The following CASD1 variants were observed in gnomAD, a reference collection of about 807,000 sequenced individuals.
CASD1 encodes CAS1 domain sialic acid O acetyltransferase 1.
A neutral mutation model predicts 100.0 loss-of-function variants in CASD1; 41 were observed. The observed-to-expected ratio is 0.41, with a 90% CI of 0.32 to 0.53. The LOEUF is 0.53. Ranked by LOEUF, CASD1 falls within the 20% of genes least tolerant of loss-of-function variation. The probability of loss-of-function intolerance (pLI) is 0.25; values close to 1 mark genes in which losing one functional copy is unlikely to be tolerated. For missense variants in CASD1, 774 were observed against 948.7 expected (o/e 0.82, Z 2.42); for synonymous variants, 321 against 315.6 (o/e 1.02, Z -0.18).
chr7:94,587,553 ATTCAT>A, the CASD1 span: 1 of 1,318,868 alleles, frequency 7.6e-7, no homozygotes, highest in Non-Finnish European at 9.6e-7. Context: ...GGTAGTAGGG[ATTCAT>A]TTATCTTTTT....
intron 1 of CASD1, among the ~76,000 whole-genome samples, chr7:94,514,812 C>T (rs746256249): frequency 4.0e-4 from 61 of 152,116 alleles, no homozygotes; most frequent in African/African-American, 1.3e-3. Context: ...TTTATCTGAA[C>T]GCCTGGCAAC....
intron 2 of CASD1, 103 bp downstream of exon 2, chr7:94,517,759 A>G: frequency 1.4e-6 from 1 of 696,032 alleles, no homozygotes; most frequent in Non-Finnish European, 2.5e-6. Flanking sequence ...GTTGGGGTAG[A>G]GACTTGCTGA....
In CASD1 at chr7:94,545,638, T is replaced by TG. The variant is rs867096497; in HGVS notation, c.1572dup (p.Phe525ValfsTer51). 1 of 1,611,500 alleles carries TG rather than the reference T, an allele frequency of 6.2e-7. No homozygotes were observed. The highest frequency in any genetic ancestry group is 8.5e-7 in the Non-Finnish European group (1 of 1,178,130). Reference sequence around the variant, plus strand: ...TTACTTTGTCCCCTTGGTCACTGTATGGTTCATGGTCATATATGTTACTTT... The same window carrying TG: ...TTACTTTGTCCCCTTGGTCACTGTATGGGTTCATGGTCATATATGTTACTTT... On this transcript the variant is annotated frameshift_variant, in exon 12 of 18. Coordinates refer to ENST00000297273, the MANE Select transcript of CASD1 (RefSeq NM_022900.5). LOFTEE classifies it high-confidence loss of function.
chr7:94,520,920 C>T (rs1294951730), intron 3 of CASD1, among the ~76,000 whole-genome samples: 1 of 152,048 alleles, frequency 6.6e-6, no homozygotes, highest in Non-Finnish European at 1.5e-5. Context: ...GGTGAAACCC[C>T]ATCTCTACTA....
chr7:94,554,790 G>T (rs892109763), intron 17 of CASD1, among the ~76,000 whole-genome samples: 2 of 152,076 alleles, frequency 1.3e-5, no homozygotes, highest in Admixed American at 1.3e-4. Context: ...ATTTTTAAAT[G>T]ACTAGATATA....
At chr7:94,522,040 C>T (rs755676088) in intron 3 of CASD1, among the ~76,000 whole-genome samples, 13 of 152,198 alleles carry the variant, frequency 8.5e-5, no homozygotes, top group East Asian at 7.7e-4. Flanking sequence ...GCCGAAATTG[C>T]GCCACTGCAC....
the CASD1 span, among the ~76,000 whole-genome samples, chr7:94,592,354 G>T: frequency 1.3e-5 from 2 of 152,132 alleles, no homozygotes; most frequent in Non-Finnish European, 2.9e-5. Flanking sequence ...GTGAGAGCAG[G>T]CTGCTAAAGG....
chr7:94,538,957 C>G lies in CASD1; in HGVS notation c.1267-10C>G, dbSNP rs763808653. 2 of 1,519,134 alleles carry G rather than the reference C, an allele frequency of 1.3e-6. No individual in the cohort carries two copies. Among genetic ancestry groups the G allele is most frequent in the East Asian group, 2.3e-5 (1 of 43,558 alleles). 94.1% of individuals were successfully genotyped at this position (1,519,134 alleles called of 1,614,324 possible). A position where few individuals can be genotyped will look rare whatever the true frequency, so the allele number is the denominator to read the frequency against. Reference sequence around the variant, plus strand: ...TAAATTTTAAAACAGATTTTGGTTCCTTTACACAGACTAAAGTATTAAATA... The same window carrying G: ...TAAATTTTAAAACAGATTTTGGTTCGTTTACACAGACTAAAGTATTAAATA... On this transcript the variant is annotated splice_polypyrimidine_tract_variant and intron_variant, in intron 9 of 17. Coordinates refer to ENST00000297273, the MANE Select transcript of CASD1 (RefSeq NM_022900.5).
chr7:94,566,450 TAA>T, the CASD1 span, among the ~76,000 whole-genome samples: 2 of 144,636 alleles, frequency 1.4e-5, no homozygotes, highest in East Asian at 2.0e-4. Flanking sequence ...CAAACAAAAT[TAA>T]GAGTCAAATT....
intron 13 of CASD1, among the ~76,000 whole-genome samples, chr7:94,548,893 C>G (rs979672940): frequency 1.3e-5 from 2 of 151,816 alleles, no homozygotes; most frequent in African/African-American, 4.8e-5. Context: ...CCAGATTTTC[C>G]AACCTGTCAG....
intron 14 of CASD1, among the ~76,000 whole-genome samples, chr7:94,550,619 A>G (rs1046350168): frequency 2.0e-5 from 3 of 151,998 alleles, no homozygotes; most frequent in South Asian, 2.1e-4. Context: ...TTGCTATTTC[A>G]TAGACACTTG....
the CASD1 span, chr7:94,628,225 C>T: frequency 1.2e-6 from 2 of 1,611,736 alleles, no homozygotes; most frequent in African/African-American, 1.3e-5. Flanking sequence ...GGCTTCCCCA[C>T]ATTTTCAGCT....
the CASD1 span, among the ~76,000 whole-genome samples, chr7:94,574,001 C>T: frequency 6.6e-6 from 1 of 151,996 alleles, no homozygotes; most frequent in African/African-American, 2.4e-5. Flanking sequence ...TGGTTTTTGT[C>T]TGTACTTTTG....
intron 1 of CASD1, among the ~76,000 whole-genome samples, chr7:94,511,766 T>A (rs926157850): frequency 2.6e-5 from 4 of 152,244 alleles, no homozygotes; most frequent in Non-Finnish European, 4.4e-5. Context: ...CCCTTCCTTT[T>A]ATTTTTTTGT....
At chr7:94,622,119 C>A in the CASD1 span, 1 of 152,126 alleles carries the variant, frequency 6.6e-6, no homozygotes, top group African/African-American at 2.4e-5. Flanking sequence ...GCCTTGACTG[C>A]ATTATCATTA....
rs1794068468 is a variant in CASD1, at chr7:94,518,086, A to G, written c.231-117A>G. ...AACAAACCTGGCCACCTGCTTATAA[A>G]GCAATATAATGGTATGTGTAACAAT... On this transcript the variant is annotated intron_variant, in intron 2 of 17. Transcript: ENST00000297273. 10 of 998,152 alleles carry G rather than the reference A, an allele frequency of 1.0e-5. No individual in the cohort carries two copies. In the South Asian group the frequency reaches 2.0e-4, roughly 20 times the overall value. The allele number at this position is 998,152 out of a possible 1,614,324, so 61.8% of individuals were successfully genotyped here.
At chr7:94,524,066 G>A (rs934637287) in intron 3 of CASD1, 11 of 151,962 alleles carry the variant, frequency 7.2e-5, no homozygotes, top group South Asian at 4.2e-4. Context: ...AAACTTAAAT[G>A]TGAAAGTAAA....
intron 10 of CASD1, among the ~76,000 whole-genome samples, chr7:94,542,916 A>G (rs571716701): frequency 7.2e-5 from 11 of 152,300 alleles, no homozygotes; most frequent in African/African-American, 2.6e-4. Flanking sequence ...ACTGATGATG[A>G]AGGGCAATAA....
At chr7:94,623,359 C>T in the CASD1 span, 2 of 1,605,412 alleles carry the variant, frequency 1.2e-6, no homozygotes, top group African/African-American at 1.3e-5. Flanking sequence ...TCAAATTATG[C>T]CTTGCAGTCT....
Sources: allele counts gnomAD v4.1 joint callset (sites outside exome capture counted in the v4.1 genomes callset), GRCh38; gene constraint gnomAD v4.1.1; transcripts MANE v1.5; gene names NCBI Gene and HGNC (gene_info 2026-07-23, HGNC 2026-07-21).